Variants in GCNT2 observed in about 807,000 individuals in gnomAD.
The protein encoded by GCNT2 is glucosaminyl (N-acetyl) transferase 2 (I blood group).
GCNT2 carries 34 observed loss-of-function variants against 34.2 expected under a neutral mutation model. That is an observed-to-expected ratio of 1.00 (90% CI 0.76 to 1.32). GCNT2 has a LOEUF of 1.32. Among genes scored for constraint, GCNT2 ranks in the 40% most tolerant of loss-of-function variants. The probability of loss-of-function intolerance (pLI) is 0.00; values close to 1 mark genes in which losing one functional copy is unlikely to be tolerated. For synonymous variants in GCNT2, 212 were observed against 188.0 expected (o/e 1.13, Z -1.04); for missense variants, 584 against 489.4 (o/e 1.19, Z -1.82).
chr6:10,614,644 A>AAAAAG lies in GCNT2; in HGVS notation c.926-6706_926-6705insAAAGA, dbSNP rs1214651898. 7.2e-3 allele frequency among the ~76,000 whole-genome samples: 1,034 copies of AAAAAG among 143,894 alleles called. 25 individuals carry two copies. The highest frequency in any genetic ancestry group is 0.027 in the African/African-American group (996 of 37,138). The allele number at this position is 143,894 out of a possible 152,430, so 94.4% of individuals were successfully genotyped here. A position where few individuals can be genotyped will look rare whatever the true frequency, so the allele number is the denominator to read the frequency against. ...CTGTCTCAAAAAAAAAAAAAAAAAAAAGAGAAAAAGAAGAAAGGTAGAAGA... is the reference window on the plus strand; with the variant it reads ...CTGTCTCAAAAAAAAAAAAAAAAAAAAAAAGAGAGAAAAAGAAGAAAGGTAGAAGA... On this transcript the variant is annotated intron_variant, in intron 3 of 4. Coordinates refer to ENST00000495262, the MANE Select transcript of GCNT2 (RefSeq NM_145649.5).
intron 2 of GCNT2, 169 bp from the exon 3 acceptor site, chr6:10,528,462 C>T (rs1761306180): frequency 4.7e-6 from 1 of 211,378 alleles, no homozygotes; most frequent in Non-Finnish European, 9.6e-6. Context: ...TAACAGGAAG[C>T]AGGGGAGGGG....
In GCNT2 at chr6:10,617,077, C is replaced by T. The variant is rs561158663; in HGVS notation, c.926-4274C>T. 1.3e-4 allele frequency among the ~76,000 whole-genome samples: 20 copies of T among 152,336 alleles called. No individual in the cohort carries two copies. In the South Asian group the frequency reaches 3.7e-3, roughly 28 times the overall value. On this transcript the variant is annotated intron_variant, in intron 3 of 4. Transcript: ENST00000495262. Reference sequence around the variant, plus strand: ...GCGCCTGCACTCCTTAGCCTTTGGGCGGTCGATGGGACTGGGCACCATGGA... The same window carrying T: ...GCGCCTGCACTCCTTAGCCTTTGGGTGGTCGATGGGACTGGGCACCATGGA...
At chr6:10,576,697 G>GAC (rs1256776218) in intron 3 of GCNT2, among the ~76,000 whole-genome samples, 1 of 151,008 alleles carries the variant, frequency 6.6e-6, no homozygotes, top group African/African-American at 2.5e-5. Context: ...GAGAGAGAGA[G>GAC]ACACACACAT....
chr6:10,533,777 G>A (rs2113536775), intron 3 of GCNT2, among the ~76,000 whole-genome samples: 1 of 137,796 alleles, frequency 7.3e-6, no homozygotes, highest in South Asian at 2.5e-4. Context: ...CTCCAGCCTG[G>A]GTGACAGAGC....
chr6:10,525,450 C>T (rs1761138508), intron 1 of GCNT2, among the ~76,000 whole-genome samples: 1 of 152,072 alleles, frequency 6.6e-6, no homozygotes, highest in African/African-American at 2.4e-5. Context: ...CCCTGATTAC[C>T]ATCTCCTCCC....
intron 3 of GCNT2, among the ~76,000 whole-genome samples, chr6:10,611,337 T>TC (rs989419828): frequency 6.1e-5 from 7 of 115,394 alleles, no homozygotes; most frequent in Admixed American, 3.4e-4. Context: ...TTTCTTTCTT[T>TC]TTTTTTTTTT....
chr6:10,574,395 G>T (rs76391201), intron 3 of GCNT2, among the ~76,000 whole-genome samples: 1,760 of 152,258 alleles, frequency 0.012, 33 homozygotes, highest in African/African-American at 0.039. Context: ...GAAAACTGAG[G>T]CTATGAGTGT....
At chr6:10,524,443 G>C (rs1025260955) in intron 1 of GCNT2, among the ~76,000 whole-genome samples, 3 of 151,954 alleles carry the variant, frequency 2.0e-5, no homozygotes, top group African/African-American at 7.3e-5. Flanking sequence ...GTAGAGACAG[G>C]GTTTCTCCAT....
intron 3 of GCNT2, among the ~76,000 whole-genome samples, chr6:10,544,963 A>AATAC (rs1762206068): frequency 2.0e-5 from 3 of 151,922 alleles, no homozygotes; most frequent in Non-Finnish European, 2.9e-5. Flanking sequence ...TAAATAAATA[A>AATAC]ATAAATAAAT....
At chr6:10,557,431 A>G in intron 3 of GCNT2, 1 of 1,017,496 alleles carries the variant, frequency 9.8e-7, no homozygotes, top group South Asian at 1.3e-5. Context: ...TAGGAAGTAG[A>G]AGATGAAAAC....
At chr6:10,599,087 G>A (rs9466912) in intron 3 of GCNT2, among the ~76,000 whole-genome samples, 16,732 of 152,184 alleles carry the variant, frequency 0.11, 1,099 homozygotes, top group Middle Eastern at 0.17. Context: ...ATTACAAAGG[G>A]TCTGGAAGAT....
intron 3 of GCNT2, among the ~76,000 whole-genome samples, chr6:10,560,911 C>T (rs1459754529): frequency 1.3e-5 from 2 of 152,176 alleles, no homozygotes; most frequent in Non-Finnish European, 1.5e-5. Context: ...TTGTCCTTCT[C>T]TTCTGTGTGG....
chr6:10,571,918 A>G (rs6456550), intron 3 of GCNT2, among the ~76,000 whole-genome samples: 1,779 of 149,578 alleles, frequency 0.012, 38 homozygotes, highest in African/African-American at 0.043. Flanking sequence ...CCCCTGAGAT[A>G]ATGATTTGAA....
At chr6:10,568,065 C>A (rs1320790178) in intron 3 of GCNT2, among the ~76,000 whole-genome samples, 1 of 152,178 alleles carries the variant, frequency 6.6e-6, no homozygotes, top group African/African-American at 2.4e-5. Flanking sequence ...CAGGAAACAT[C>A]CTCCTCAGTT....
chr6:10,622,457 C>T (rs989262367), intron 4 of GCNT2, among the ~76,000 whole-genome samples: 1 of 151,828 alleles, frequency 6.6e-6, no homozygotes, highest in Admixed American at 6.6e-5. Flanking sequence ...GTGTCCTAAT[C>T]GCCTCTTCTT....
At chr6:10,621,278 G>T in intron 3 of GCNT2, 73 bp from the exon 4 acceptor site, 1 of 945,706 alleles carries the variant, frequency 1.1e-6, no homozygotes, top group Non-Finnish European at 1.7e-6. Context: ...CTGACTTAGA[G>T]GCTTAATTGA....
At chr6:10,592,295 T>A (rs1043107411) in intron 3 of GCNT2, among the ~76,000 whole-genome samples, 1 of 152,236 alleles carries the variant, frequency 6.6e-6, no homozygotes, top group Non-Finnish European at 1.5e-5. Flanking sequence ...ATATTAAGTA[T>A]GCATAATAAA....
At chr6:10,571,898 C>T (rs1763570027) in intron 3 of GCNT2, among the ~76,000 whole-genome samples, 1 of 149,568 alleles carries the variant, frequency 6.7e-6, no homozygotes, top group Non-Finnish European at 1.5e-5. Context: ...CACGCCTGCC[C>T]CCTCCACACC....
intron 3 of GCNT2, among the ~76,000 whole-genome samples, chr6:10,562,697 A>G (rs1383723963): frequency 1.3e-5 from 2 of 151,802 alleles, no homozygotes; most frequent in East Asian, 1.9e-4. Context: ...ACCCACAAAA[A>G]CAAATTCCTA....
Sources: allele counts gnomAD v4.1 joint callset (sites outside exome capture counted in the v4.1 genomes callset), GRCh38; gene constraint gnomAD v4.1.1; transcripts MANE v1.5; gene names NCBI Gene and HGNC (gene_info 2026-07-23, HGNC 2026-07-21).